MYOCD: variants seen among roughly 807,000 people sequenced by gnomAD.
MYOCD encodes myocardin.
MYOCD carries 32 observed loss-of-function variants against 96.1 expected under a neutral mutation model. That is an observed-to-expected ratio of 0.33 (90% confidence interval 0.25 to 0.45). MYOCD has a LOEUF of 0.45. Among genes scored for constraint, MYOCD ranks in the 20% least tolerant of loss-of-function variants. The pLI is 1.00. For missense variants in MYOCD, 1,133 were observed against 1,200.6 expected, an observed-to-expected ratio of 0.94 and a Z score of 0.83; for synonymous variants, 469 against 469.0, an observed-to-expected ratio of 1.00 and a Z score of 0.00.
chr17:12,668,223 T>C (rs1430762526), intron 1 of MYOCD, among the ~76,000 whole-genome samples: 1 of 152,218 alleles, frequency 6.6e-6, no homozygotes, highest in Non-Finnish European at 1.5e-5. Flanking sequence ...TCTCTCTCTC[T>C]CTTTCACTGT....
intron 1 of MYOCD, among the ~76,000 whole-genome samples, chr17:12,693,313 A>AC (rs2030555446): frequency 1.3e-5 from 2 of 152,094 alleles, no homozygotes; most frequent in South Asian, 4.2e-4. Flanking sequence ...AAACAAACAA[A>AC]CAAAAAAAAC....
intron 2 of MYOCD, among the ~76,000 whole-genome samples, chr17:12,709,078 T>G (rs2150677539): frequency 6.6e-6 from 1 of 152,342 alleles, no homozygotes; most frequent in Non-Finnish European, 1.5e-5. Flanking sequence ...AAGGTTTCAC[T>G]GACTTAGCTG....
At chr17:12,717,651 C>T (rs1055973987) in intron 4 of MYOCD, among the ~76,000 whole-genome samples, 6 of 152,156 alleles carry the variant, frequency 3.9e-5, no homozygotes, top group Non-Finnish European at 5.9e-5. Context: ...CTCAGCTGTG[C>T]GATCTCCTAA....
Position 12,744,309 on chromosome 17 carries a change from A to G in MYOCD, c.844A>G (p.Met282Val), listed in dbSNP as rs199970144. 13 of 1,614,136 alleles carry G rather than the reference A, an allele frequency of 8.1e-6. No individual in the cohort carries two copies. In the East Asian group the frequency reaches 8.9e-5, roughly 11 times the overall value. ...DQKAEKSPPP[M>V]DSAYARLLQQ... ...GAAGGCAGAGAAGTCCCCTCCACCT[A>G]TGGACTCAGCCTACGCTCGGCTGCT... The change falls in exon 8 of 14, where the codon ATG becomes GTG. Residue 282 changes from methionine (M) to valine (V), a missense_variant. Coordinates refer to ENST00000425538, the MANE Select transcript of MYOCD (RefSeq NM_001146312.3).
In MYOCD at chr17:12,753,123, C is replaced by T. The variant is rs770532458; in HGVS notation, c.1835C>T (p.Ala612Val). The T allele has an allele frequency of 3.7e-6, 6 of 1,614,104 alleles. No individual in the cohort carries two copies. The African/African-American group carries it at 8.0e-5, about 22-fold the overall frequency. The change falls in exon 10 of 14, where the codon GCT becomes GTT. Residue 612 changes from alanine to valine, a missense_variant. Transcript: ENST00000425538. ...EAAQLQPLGN[A>V]HCVESSDQTN... ...GCTCAACTCCAGCCTCTTGGAAATG[C>T]TCATTGTGTGGAGTCCTCAGATCAA... is the stretch of plus-strand genomic sequence containing the variant.
intron 12 of MYOCD, among the ~76,000 whole-genome samples, chr17:12,758,984 G>C (rs921844770): frequency 6.6e-6 from 1 of 152,064 alleles, no homozygotes; most frequent in East Asian, 1.9e-4. Flanking sequence ...GGGAGGTGGA[G>C]TTGCAGTGAG....
intron 1 of MYOCD, among the ~76,000 whole-genome samples, chr17:12,702,630 T>G (rs745664373): frequency 2.0e-4 from 30 of 151,998 alleles, no homozygotes; most frequent in Non-Finnish European, 2.4e-4. Context: ...ATATTCCCCC[T>G]CTCTTGCCTT....
chr17:12,692,062 T>G (rs972755800), intron 1 of MYOCD, among the ~76,000 whole-genome samples: 1 of 152,188 alleles, frequency 6.6e-6, no homozygotes, highest in Non-Finnish European at 1.5e-5. Context: ...AGAACTGACC[T>G]GTAGTGAATT....
At chr17:12,692,983 A>ATAG (rs1478554693) in intron 1 of MYOCD, among the ~76,000 whole-genome samples, 1 of 152,176 alleles carries the variant, frequency 6.6e-6, no homozygotes, top group Non-Finnish European at 1.5e-5. Context: ...TTGTGCAGAG[A>ATAG]TAGTATAGCT....
chr17:12,715,921 A>C (rs550733257), intron 3 of MYOCD, among the ~76,000 whole-genome samples: 101 of 152,310 alleles, frequency 6.6e-4, no homozygotes, highest in African/African-American at 2.4e-3. Flanking sequence ...GTCATTTCTT[A>C]ACAACAATCA....
In MYOCD at chr17:12,736,310, T is replaced by C. The variant is rs994824541; in HGVS notation, c.565T>C (p.Ser189Pro). ...PPDAKASDTP[S>P]TGSLGTNQDL... is the part of the protein sequence containing the mutation. The stretch of plus-strand genomic sequence containing the variant: ...AGACGCTAAAGCCTCAGATACCCCT[T>C]CGACAGGTTCTCTGGGGACAAACCA... The change falls in exon 6 of 14, where the codon TCG (serine) becomes CCG (proline). Residue 189 changes from serine to proline, a missense_variant. Coordinates refer to ENST00000425538, the MANE Select transcript of MYOCD (RefSeq NM_001146312.3). The C allele has an allele frequency of 6.2e-7, 1 of 1,613,934 alleles. No individual in the cohort carries two copies. Among genetic ancestry groups the C allele is most frequent in the Non-Finnish European group, 8.5e-7 (1 of 1,179,980 alleles).
intron 1 of MYOCD, among the ~76,000 whole-genome samples, chr17:12,668,738 T>C (rs1567563926): frequency 6.6e-6 from 1 of 152,112 alleles, no homozygotes; most frequent in South Asian, 2.1e-4. Flanking sequence ...GTAAATTACA[T>C]AATTCTCTGT....
Position 12,666,187 on chromosome 17 carries a change from A to G in MYOCD, c.-2A>G. On this transcript the variant is annotated 5_prime_UTR_variant, in exon 1 of 14. Transcript: ENST00000425538. ...GGGACCAGCGGCTTGCTGAGACTCA[A>G]CATGACACTCCTGGGGTCTGAGCAT... is the stretch of plus-strand genomic sequence containing the variant. 6.2e-7 allele frequency: 1 copy of G among 1,613,522 alleles called. No homozygotes were observed.
Position 12,698,758 on chromosome 17 carries a change from T to G in MYOCD, c.56-6370T>G, listed in dbSNP as rs1424101312. On this transcript the variant is annotated intron_variant, in intron 1 of 13. Transcript: ENST00000425538. ...TTTTTTTTTTTTTTTTTTTTTTTTT[T>G]GTGAGACAGAGTCTGGCTCTGTTGC... 1.0e-4 allele frequency among the ~76,000 whole-genome samples: 11 copies of G among 104,862 alleles called. No individual in the cohort carries two copies. The South Asian group carries it at 3.0e-3, about 29-fold the overall frequency. The allele number at this position is 104,862 out of a possible 152,430, so 68.8% of individuals were successfully genotyped here. A position where few individuals can be genotyped will look rare whatever the true frequency, so the allele number is the denominator to read the frequency against.
intron 5 of MYOCD, among the ~76,000 whole-genome samples, chr17:12,729,617 G>A (rs1260216678): frequency 1.3e-5 from 2 of 151,608 alleles, no homozygotes; most frequent in African/African-American, 4.9e-5. Flanking sequence ...TGCTCTTGTC[G>A]CCCAGGCTGG....
intron 10 of MYOCD, among the ~76,000 whole-genome samples, chr17:12,755,202 T>C (rs1459405396): frequency 6.6e-6 from 1 of 152,210 alleles, no homozygotes; most frequent in Non-Finnish European, 1.5e-5. Flanking sequence ...AAAATAGCTC[T>C]TGAGACACAG....
chr17:12,719,484 G>T (rs1441697787), intron 4 of MYOCD, among the ~76,000 whole-genome samples: 4 of 151,974 alleles, frequency 2.6e-5, no homozygotes, highest in Admixed American at 2.6e-4. Context: ...ATAGTGAAAT[G>T]TCTAACAATA....
chr17:12,688,604 T>C (rs1273443087), intron 1 of MYOCD, among the ~76,000 whole-genome samples: 1 of 149,554 alleles, frequency 6.7e-6, no homozygotes, highest in Non-Finnish European at 1.5e-5. Flanking sequence ...ATCTCCTTCC[T>C]TCCTTCCCTC....
intron 1 of MYOCD, among the ~76,000 whole-genome samples, chr17:12,685,733 T>C (rs1235208601): frequency 6.6e-6 from 1 of 152,258 alleles, no homozygotes; most frequent in Non-Finnish European, 1.5e-5. Context: ...ATATGGATTA[T>C]TTAATAACAT....
Sources: allele counts gnomAD v4.1 joint callset (sites outside exome capture counted in the v4.1 genomes callset), GRCh38; gene constraint gnomAD v4.1.1; transcripts MANE v1.5; gene names NCBI Gene and HGNC (gene_info 2026-07-23, HGNC 2026-07-21).